The following MTR variants were observed in gnomAD, a reference collection of about 807,000 sequenced individuals.
MTR encodes 5-methyltetrahydrofolate-homocysteine methyltransferase, also known as methionine synthase.
MTR carries 84 observed loss-of-function variants against 154.8 expected under a neutral mutation model. That is an observed-to-expected ratio of 0.54 (90% confidence interval 0.45 to 0.65). MTR has a LOEUF of 0.65. Ranked by LOEUF, MTR falls within the 30% of genes least tolerant of loss-of-function variation. The probability of loss-of-function intolerance (pLI) is 0.00; values close to 1 mark genes in which losing one functional copy is unlikely to be tolerated. For missense variants in MTR, 1,275 were observed against 1,570.2 expected (o/e 0.81, Z 3.18); for synonymous variants, 554 against 553.9 (o/e 1.00, Z 0.00).
chr1:236,897,510 A>G, intron 32 of MTR, 48 bp from the exon 33 acceptor site: 1 of 1,559,470 alleles, frequency 6.4e-7, no homozygotes, highest in Middle Eastern at 1.7e-4. Flanking sequence ...CTTCTATTCC[A>G]AAAGTCTTAT....
chr1:236,805,257 G>C (rs1356437968), intron 2 of MTR, among the ~76,000 whole-genome samples: 2 of 152,116 alleles, frequency 1.3e-5, no homozygotes, highest in African/African-American at 4.8e-5. Flanking sequence ...GTTTCGAAGA[G>C]AGCACAAAGG....
At chr1:236,892,454 C>T (rs1666382221) in intron 29 of MTR, among the ~76,000 whole-genome samples, 1 of 152,134 alleles carries the variant, frequency 6.6e-6, no homozygotes, top group East Asian at 1.9e-4. Context: ...TGTATTCCAA[C>T]CTGGGCAACA....
intron 25 of MTR, among the ~76,000 whole-genome samples, chr1:236,882,201 T>C (rs907229230): frequency 2.0e-5 from 3 of 152,210 alleles, no homozygotes; most frequent in Non-Finnish European, 2.9e-5. Flanking sequence ...GTCAGGTCCA[T>C]GGCTGAGTGC....
At chr1:236,822,238 T>C (rs1332437560) in intron 8 of MTR, among the ~76,000 whole-genome samples, 1 of 130,064 alleles carries the variant, frequency 7.7e-6, no homozygotes, top group Non-Finnish European at 1.8e-5. Context: ...TGGAATTTTA[T>C]AGTTTTTTTC....
chr1:236,847,098 G>A (rs1397624729), intron 15 of MTR, among the ~76,000 whole-genome samples: 1 of 152,014 alleles, frequency 6.6e-6, no homozygotes, highest in African/African-American at 2.4e-5. Flanking sequence ...TGTTGGCCAG[G>A]CTGTTCTCGA....
intron 15 of MTR, among the ~76,000 whole-genome samples, chr1:236,845,819 AG>A (rs1218076445): frequency 2.0e-4 from 30 of 152,348 alleles, no homozygotes; most frequent in African/African-American, 7.0e-4. Context: ...CCAGCAATAC[AG>A]GTATTTTTAT....
intron 29 of MTR, among the ~76,000 whole-genome samples, chr1:236,892,485 AAAAC>A (rs1259300294): frequency 6.6e-6 from 1 of 152,192 alleles, no homozygotes; most frequent in Non-Finnish European, 1.5e-5. Context: ...CTGTCTCTAA[AAAAC>A]AAACAAAAAA....
At chr1:236,803,407 A>G in intron 1 of MTR, 21 bp from the exon 2 acceptor site, 3 of 1,611,758 alleles carry the variant, frequency 1.9e-6, no homozygotes, top group East Asian at 2.2e-5. Flanking sequence ...CTTTGAAGTC[A>G]AACTTTCACT....
Position 236,795,551 on chromosome 1 carries a change from C to T in MTR, c.-153C>T. The T allele has an allele frequency of 6.5e-7, 1 of 1,541,808 alleles. No individual in the cohort carries two copies. The highest frequency in any genetic ancestry group is 8.7e-7 in the Non-Finnish European group (1 of 1,148,878). On this transcript the variant is annotated 5_prime_UTR_variant, in exon 1 of 33. Coordinates refer to ENST00000366577, the MANE Select transcript of MTR (RefSeq NM_000254.3). ...TGCGGGCTTTCGGGGTCCGCAGTCC[C>T]CCCGCGACGCGAGCCAACGGGAGGC...
intron 28 of MTR, among the ~76,000 whole-genome samples, chr1:236,890,377 A>G (rs911250262): frequency 1.3e-5 from 2 of 152,184 alleles, no homozygotes; most frequent in African/African-American, 4.8e-5. Flanking sequence ...GTCCGGGAGC[A>G]GGCCAGCCCA....
At chr1:236,814,664 A>G (rs966858366) in intron 6 of MTR, among the ~76,000 whole-genome samples, 8 of 152,194 alleles carry the variant, frequency 5.3e-5, no homozygotes, top group Admixed American at 2.0e-4. Context: ...AGTGTTTTCT[A>G]TCAATCTGTC....
Position 236,897,095 on chromosome 1 carries a change from G to C in MTR, c.3688G>C (p.Val1230Leu), listed in dbSNP as rs138451899. 1.9e-6 allele frequency: 3 copies of C among 1,613,796 alleles called. No individual in the cohort carries two copies. The highest frequency in any genetic ancestry group is 2.5e-6 in the Non-Finnish European group (3 of 1,179,672). Residue 1230 changes from valine to leucine, a missense_variant, in exon 32 of 33, where the codon GTG (valine) becomes CTG (leucine). Physicochemically the swap from Val to Leu is conservative, Grantham distance 32. Transcript: ENST00000366577. ...FSNLKSKYFAVGKISKDQVED... is the reference protein window; with the variant it reads ...FSNLKSKYFALGKISKDQVED... ...CAATTTGAAGTCCAAATATTTTGCT[G>C]TGGGGAAGATTTCCAAGGATCAGGT...
At chr1:236,799,540 T>G (rs1264538518) in intron 1 of MTR, among the ~76,000 whole-genome samples, 1 of 152,182 alleles carries the variant, frequency 6.6e-6, no homozygotes, top group Non-Finnish European at 1.5e-5. Context: ...AATTCTCTTG[T>G]TTCCATAGAC....
intron 25 of MTR, among the ~76,000 whole-genome samples, chr1:236,882,350 C>T (rs1665782671): frequency 6.6e-6 from 1 of 151,248 alleles, no homozygotes. Context: ...GGGAAAGAAT[C>T]AGCCCTTTGA....
At position 236,836,987 on chromosome 1, in the gene MTR, A is replaced by C. The variant is rs137912535; in HGVS notation, c.1329+1300A>C. On this transcript the variant is annotated intron_variant, in intron 14 of 32. Transcript: ENST00000366577. ...TGCTTTATCAACTGTGAAGGACCCC[A>C]TGTAACTCAATACATTATTAGTGTT... 2.5e-3 allele frequency among the ~76,000 whole-genome samples: 376 copies of C among 152,324 alleles called. 2 individuals are homozygous for C. Among genetic ancestry groups the C allele is most frequent in the African/African-American group, 8.0e-3 (333 of 41,576 alleles).
In MTR at chr1:236,874,919, C is replaced by G. The variant is rs546407562; in HGVS notation, c.2594+73C>G. On this transcript the variant is annotated intron_variant, in intron 24 of 32. Coordinates refer to ENST00000366577, the MANE Select transcript of MTR (RefSeq NM_000254.3). ...GCCAGTGTTTGAAACAGTGGGAAAC[C>G]TGTGTTGTTTTGGATTTTCCCTTAT... 21 of 1,539,114 alleles carry G rather than the reference C, an allele frequency of 1.4e-5. No individual in the cohort carries two copies. The Middle Eastern group carries it at 1.2e-3, about 87-fold the overall frequency.
At chr1:236,827,275 GT>G (rs35840272) in intron 11 of MTR, among the ~76,000 whole-genome samples, 52,737 of 152,098 alleles carry the variant, frequency 0.35, 9,945 homozygotes, top group Non-Finnish European at 0.41. Context: ...CCTCCAGATT[GT>G]GAGAAAATAC....
At chr1:236,894,330 C>T in intron 29 of MTR, 27 bp from the exon 30 acceptor site, 1 of 1,613,128 alleles carries the variant, frequency 6.2e-7, no homozygotes, top group Non-Finnish European at 8.5e-7. Context: ...GGCGCCCCCG[C>T]ACACTCCTAC....
chr1:236,842,784 G>GTA (rs60138451), intron 15 of MTR, among the ~76,000 whole-genome samples: 44,229 of 144,334 alleles, frequency 0.31, 7,827 homozygotes, highest in African/African-American at 0.49. Flanking sequence ...AAAAAAAGAT[G>GTA]TATATATATA....
Sources: gnomAD v4.1 joint callset for allele counts (sites outside exome capture counted in the v4.1 genomes callset) on GRCh38, gnomAD v4.1.1 for gene constraint, MANE v1.5 for transcripts, NCBI Gene and HGNC (gene_info 2026-07-23, HGNC 2026-07-21) for gene names.